The following MALRD1 variants were observed in gnomAD, a reference collection of about 807,000 sequenced individuals.
MALRD1 encodes MAM and LDL receptor class A domain containing 1.
In MALRD1, 247 loss-of-function variants were observed where a neutral mutation model predicts 242.1. That is an observed-to-expected ratio of 1.02 (90% CI 0.92 to 1.13). The LOEUF is 1.13. Among genes scored for constraint, MALRD1 ranks in the 50% most tolerant of loss-of-function variants. The pLI, the probability that MALRD1 is intolerant of heterozygous loss-of-function variation, is 0.00. For missense variants in MALRD1, 2,989 were observed against 2,533.1 expected (o/e 1.18, Z -3.86); for synonymous variants, 995 against 866.6 (o/e 1.15, Z -2.60).
At chr10:19,649,556 C>T (rs567352430) in intron 36 of MALRD1, among the ~76,000 whole-genome samples, 3 of 152,212 alleles carry the variant, frequency 2.0e-5, no homozygotes, top group African/African-American at 7.2e-5. Context: ...TGTTCATGTC[C>T]TTTGTCCACT....
At position 19,613,162 on chromosome 10, in the gene MALRD1, T is replaced by A. The variant is rs73595863; in HGVS notation, c.6071-2695T>A. Among the ~76,000 whole-genome samples the A allele has an allele frequency of 4.1e-3, 621 of 152,076 alleles. 3 individuals are homozygous for A. The highest frequency in any genetic ancestry group is 0.014 in the African/African-American group (591 of 41,526). ...CATATCTATGTACCAGAAGCAATGATGTCAAAATGACTTGAGGAAAAACCC... is the reference window on the plus strand; with the variant it reads ...CATATCTATGTACCAGAAGCAATGAAGTCAAAATGACTTGAGGAAAAACCC... On this transcript the variant is annotated intron_variant, in intron 35 of 39. Transcript: ENST00000454679.
rs199679795 is a variant in MALRD1 at position 19,094,177 on chromosome 10, G to A, written c.597+5992G>A. Among the ~76,000 whole-genome samples the A allele has an allele frequency of 8.0e-3, 820 of 102,132 alleles. 22 individuals are homozygous for A. The highest frequency in any genetic ancestry group is 0.049 in the East Asian group (140 of 2,882). 67.0% of individuals were successfully genotyped at this position (102,132 alleles called of 152,430 possible). ...TAAGCAAGCCTGGGCAATGGCGGGCGCCCCTCCCCCAGCCTCGTTGCTGCC... is the reference window on the plus strand; with the variant it reads ...TAAGCAAGCCTGGGCAATGGCGGGCACCCCTCCCCCAGCCTCGTTGCTGCC... On this transcript the variant is annotated intron_variant, in intron 4 of 39. Transcript: ENST00000454679.
chr10:19,550,124 C>T lies in MALRD1; in HGVS notation c.5479-17378C>T, dbSNP rs555322249. On this transcript the variant is annotated intron_variant, in intron 32 of 39. Transcript: ENST00000454679. The stretch of plus-strand genomic sequence containing the variant: ...AGTAAGAAAGGTGAAAAAAAGACAA[C>T]AGTGATCTATTTCCTCAGTCCTTAA... Among the ~76,000 whole-genome samples the T allele has an allele frequency of 4.7e-4, 72 of 152,214 alleles. 1 individual carries two copies. In the South Asian group the frequency reaches 0.015, roughly 31 times the overall value.
At chr10:19,057,402 G>A (rs1056522721) in intron 1 of MALRD1, among the ~76,000 whole-genome samples, 4 of 152,006 alleles carry the variant, frequency 2.6e-5, no homozygotes, top group African/African-American at 7.2e-5. Context: ...CACCTCTCCC[G>A]TGGCTGTTCT....
Position 19,692,886 on chromosome 10 carries a change from T to TATATATATATATATATAA in MALRD1, c.6314+333_6314+334insTATATATATATATATAAA, listed in dbSNP as rs373717863. On this transcript the variant is annotated intron_variant, in intron 38 of 39. Coordinates refer to ENST00000454679, the MANE Select transcript of MALRD1 (RefSeq NM_001142308.3). The stretch of plus-strand genomic sequence containing the variant: ...ATGAAATTATATATATATATATATA[T>TATATATATATATATATAA]AATTTCATCCCTGGAATGCAAGGCT... Among the ~76,000 whole-genome samples the TATATATATATATATATAA allele has an allele frequency of 3.7e-3, 508 of 136,838 alleles. 9 individuals carry two copies. The highest frequency in any genetic ancestry group is 7.6e-3 in the African/African-American group (261 of 34,528). 89.8% of individuals were successfully genotyped at this position (136,838 alleles called of 152,430 possible). A position where few individuals can be genotyped will look rare whatever the true frequency, so the allele number is the denominator to read the frequency against.
intron 19 of MALRD1, among the ~76,000 whole-genome samples, chr10:19,260,236 G>T (rs532549205): frequency 6.6e-6 from 1 of 152,108 alleles, no homozygotes; most frequent in African/African-American, 2.4e-5. Flanking sequence ...GCTCTCAAGC[G>T]TGTAGGTTGG....
chr10:19,704,096 A>G (rs145731005), intron 38 of MALRD1, among the ~76,000 whole-genome samples: 217 of 150,172 alleles, frequency 1.4e-3, no homozygotes, highest in Non-Finnish European at 2.3e-3. Flanking sequence ...GTACTAATTT[A>G]GTAAATAAAC....
chr10:19,080,956 A>G (rs545860794), intron 2 of MALRD1, among the ~76,000 whole-genome samples: 1 of 152,288 alleles, frequency 6.6e-6, no homozygotes. Flanking sequence ...TGGGCAAAGG[A>G]CATGAACAGA....
chr10:19,528,330 C>T (rs1035895658), intron 31 of MALRD1, among the ~76,000 whole-genome samples: 2 of 152,226 alleles, frequency 1.3e-5, no homozygotes, highest in African/African-American at 4.8e-5. Context: ...CACAGTGACT[C>T]AAGCCTGTAA....
chr10:19,249,390 G>A (rs1398007132), intron 18 of MALRD1, among the ~76,000 whole-genome samples: 3 of 151,584 alleles, frequency 2.0e-5, no homozygotes, highest in East Asian at 3.9e-4. Context: ...AAATATTAGC[G>A]TAATCAGTAT....
rs138437423 is a variant in MALRD1 at position 19,701,324 on chromosome 10, G to C, written c.6314+8770G>C. ...CAGATCCTCAGATCCTTACTCTCAG[G>C]CCTCAGTGACCTCATAAGTGGATGC... is the stretch of plus-strand genomic sequence containing the variant. On this transcript the variant is annotated intron_variant, in intron 38 of 39. Coordinates refer to ENST00000454679, the MANE Select transcript of MALRD1 (RefSeq NM_001142308.3). Among the ~76,000 whole-genome samples the C allele has an allele frequency of 3.3e-3, 498 of 152,142 alleles. 8 individuals carry two copies. The highest frequency in any genetic ancestry group is 0.019 in the East Asian group (99 of 5,158).
intron 21 of MALRD1, among the ~76,000 whole-genome samples, chr10:19,304,187 C>A (rs1180304219): frequency 6.6e-6 from 1 of 151,716 alleles, no homozygotes; most frequent in Non-Finnish European, 1.5e-5. Flanking sequence ...CTTGAACGAG[C>A]AGCCACTCAG....
chr10:19,600,841 A>G lies in MALRD1; in HGVS notation c.5944+5384A>G, dbSNP rs73595855. Among the ~76,000 whole-genome samples, 633 of 152,230 alleles carry G rather than the reference A, an allele frequency of 4.2e-3. 7 individuals carry two copies. The highest frequency in any genetic ancestry group is 0.015 in the African/African-American group (603 of 41,538). On this transcript the variant is annotated intron_variant, in intron 34 of 39. Transcript: ENST00000454679. ...TACTTAGCCTATTTTGTTAAGAAAG[A>G]ATACCAATTTCTAGGATGATAGATG...
intron 32 of MALRD1, among the ~76,000 whole-genome samples, chr10:19,565,927 G>T (rs1394251372): frequency 6.6e-6 from 1 of 151,872 alleles, no homozygotes; most frequent in African/African-American, 2.4e-5. Flanking sequence ...ATTTATTTTT[G>T]TTTTGTTTAA....
intron 32 of MALRD1, among the ~76,000 whole-genome samples, chr10:19,566,131 T>G (rs912767160): frequency 1.3e-4 from 19 of 151,714 alleles, no homozygotes; most frequent in Non-Finnish European, 2.6e-4. Context: ...GGATATATAT[T>G]TTTTATTTAT....
At chr10:19,631,044 G>C (rs1030017720) in intron 36 of MALRD1, among the ~76,000 whole-genome samples, 1 of 152,096 alleles carries the variant, frequency 6.6e-6, no homozygotes, top group Non-Finnish European at 1.5e-5. Context: ...TTGTAATATA[G>C]GCAAACTCAT....
intron 18 of MALRD1, among the ~76,000 whole-genome samples, chr10:19,253,445 C>A (rs917289356): frequency 2.6e-5 from 4 of 151,852 alleles, no homozygotes; most frequent in African/African-American, 9.7e-5. Flanking sequence ...TTTAGGTGAG[C>A]AGTTCTATGA....
intron 29 of MALRD1, among the ~76,000 whole-genome samples, chr10:19,485,728 A>G (rs984354864): frequency 1.3e-5 from 2 of 152,100 alleles, no homozygotes; most frequent in South Asian, 2.1e-4. Flanking sequence ...ATAGATATCA[A>G]AAGCCCTAAA....
At chr10:19,293,879 C>A (rs1189909061) in intron 21 of MALRD1, among the ~76,000 whole-genome samples, 1 of 152,088 alleles carries the variant, frequency 6.6e-6, no homozygotes, top group Admixed American at 6.6e-5. Context: ...ATGTGACAAA[C>A]CTGCACATGT....
Sources: gnomAD v4.1 joint callset for allele counts (sites outside exome capture counted in the v4.1 genomes callset) on GRCh38, gnomAD v4.1.1 for gene constraint, MANE v1.5 for transcripts, NCBI Gene and HGNC (gene_info 2026-07-23, HGNC 2026-07-21) for gene names.